The following BTG4 variants were observed in gnomAD, a reference collection of about 807,000 sequenced individuals.
BTG4 encodes the protein protein BTG4.
In BTG4, 10 loss-of-function variants were observed where a neutral mutation model predicts 19.3. The observed-to-expected ratio is 0.52, with a 90% confidence interval of 0.32 to 0.88. The LOEUF (loss-of-function observed/expected upper bound fraction) is 0.88, where lower values mean the gene tolerates loss of function less well. BTG4 is among the 40% of genes least tolerant of loss of function. BTG4 has a pLI of 0.04. For synonymous variants in BTG4, 91 were observed against 95.7 expected (o/e 0.95, Z 0.29); for missense variants, 238 against 281.9 (o/e 0.84, Z 1.11).
At chr11:111,425,684 T>C in the BTG4 span, among the ~76,000 whole-genome samples, 2 of 152,112 alleles carry the variant, frequency 1.3e-5, 1 homozygote, top group African/African-American at 4.8e-5. Context: ...CAAGAGATAC[T>C]AACCAAGCAG....
chr11:111,400,347 G>A, the BTG4 span, among the ~76,000 whole-genome samples: 1 of 152,182 alleles, frequency 6.6e-6, no homozygotes, highest in East Asian at 1.9e-4. Flanking sequence ...TATTGCATCT[G>A]TAGTACTGGA....
At chr11:111,440,603 T>G in the BTG4 span, among the ~76,000 whole-genome samples, 1 of 152,262 alleles carries the variant, frequency 6.6e-6, no homozygotes, top group Non-Finnish European at 1.5e-5. Flanking sequence ...CTACCTTGGC[T>G]GTTGGCAGGA....
chr11:111,448,181 G>T, the BTG4 span, among the ~76,000 whole-genome samples: 11,036 of 152,308 alleles, frequency 0.072, 551 homozygotes, highest in Middle Eastern at 0.14. Flanking sequence ...GCGGGAATGA[G>T]ACGCCTCGTG....
chr11:111,436,602 G>C, the BTG4 span, among the ~76,000 whole-genome samples: 1 of 150,920 alleles, frequency 6.6e-6, no homozygotes, highest in Non-Finnish European at 1.5e-5. Flanking sequence ...ACTCCAGCCT[G>C]GGCAACGAGA....
downstream of BTG4, among the ~76,000 whole-genome samples, chr11:111,465,363 TAAGA>T (rs2135506558): frequency 6.6e-6 from 1 of 152,234 alleles, no homozygotes; most frequent in South Asian, 2.1e-4. Context: ...GCCCACAAGC[TAAGA>T]AAGATTTTAC....
At chr11:111,392,169 C>CT in the BTG4 span, among the ~76,000 whole-genome samples, 1,089 of 85,414 alleles carry the variant, frequency 0.013, 277 homozygotes, top group African/African-American at 0.025. Context: ...CTGTGATTTT[C>CT]TTTTTTTTTT....
chr11:111,410,674 A>C, the BTG4 span, among the ~76,000 whole-genome samples: 12 of 152,328 alleles, frequency 7.9e-5, no homozygotes, highest in Admixed American at 2.6e-4. Context: ...ATGAAGTAGA[A>C]GATCCTTAAA....
the BTG4 span, chr11:111,416,344 C>G: frequency 3.9e-5 from 6 of 152,162 alleles, no homozygotes; most frequent in Admixed American, 3.9e-4. Flanking sequence ...CGTTTTCTCA[C>G]TCTGGCTCAC....
intron 5 of BTG4, chr11:111,475,298 TC>T (rs1433866995): frequency 2.6e-5 from 4 of 152,184 alleles, no homozygotes; most frequent in Non-Finnish European, 4.4e-5. Context: ...GGACCCCTGC[TC>T]ACTGTGACTA....
At chr11:111,441,995 GT>G in the BTG4 span, among the ~76,000 whole-genome samples, 1 of 151,950 alleles carries the variant, frequency 6.6e-6, no homozygotes, top group Admixed American at 6.6e-5. Flanking sequence ...GGAGGAGGAG[GT>G]TGCAGTGAGC....
At chr11:111,491,630 G>T, downstream of BTG4, among the ~76,000 whole-genome samples, 1 of 151,572 alleles carries the variant, frequency 6.6e-6, no homozygotes, top group East Asian at 1.9e-4. Flanking sequence ...CAGCTACTCA[G>T]GAGGCTGAGG....
intron 3 of BTG4, 125 bp from the exon 4 acceptor site, chr11:111,497,534 T>A: frequency 5.4e-6 from 3 of 553,670 alleles, no homozygotes; most frequent in Non-Finnish European, 8.6e-6. Flanking sequence ...TGAAGGACAT[T>A]ATGACCTTCA....
At chr11:111,423,692 A>G in the BTG4 span, among the ~76,000 whole-genome samples, 1 of 152,248 alleles carries the variant, frequency 6.6e-6, no homozygotes, top group African/African-American at 2.4e-5. Context: ...TATGACATTC[A>G]TTTAATACAC....
chr11:111,442,546 C>A, the BTG4 span, among the ~76,000 whole-genome samples: 26,476 of 141,484 alleles, frequency 0.19, 2,510 homozygotes, highest in South Asian at 0.24. Context: ...ACACACACAC[C>A]AGATGAGCCT....
the BTG4 span, among the ~76,000 whole-genome samples, chr11:111,439,878 G>A: frequency 6.6e-6 from 1 of 152,200 alleles, no homozygotes; most frequent in South Asian, 2.1e-4. Context: ...TATTGATGCG[G>A]GAATTGGAAG....
downstream of BTG4, among the ~76,000 whole-genome samples, chr11:111,465,937 C>A (rs1452021870): frequency 6.6e-6 from 1 of 152,162 alleles, no homozygotes; most frequent in African/African-American, 2.4e-5. Flanking sequence ...CTTGACCAAT[C>A]TCATTATTAA....
At chr11:111,486,970 T>TC (rs71057071) in intron 5 of BTG4, among the ~76,000 whole-genome samples, 4 of 151,842 alleles carry the variant, frequency 2.6e-5, no homozygotes, top group Admixed American at 6.6e-5. Flanking sequence ...ATGCTCTCCC[T>TC]CCCCCCGCCT....
At chr11:111,464,321 T>G (rs867849833), downstream of BTG4, among the ~76,000 whole-genome samples, 10 of 152,226 alleles carry the variant, frequency 6.6e-5, no homozygotes, top group Middle Eastern at 0.017. Context: ...TGACTCAATC[T>G]CAGAAATGAC....
the BTG4 span, chr11:111,457,874 G>A: frequency 6.6e-6 from 1 of 152,376 alleles, no homozygotes; most frequent in Admixed American, 6.5e-5. Flanking sequence ...AGGGCTGCGA[G>A]ATGCTTCGGG....
Sources: allele counts gnomAD v4.1 joint callset (sites outside exome capture counted in the v4.1 genomes callset), GRCh38; gene constraint gnomAD v4.1.1; transcripts MANE v1.5; gene names NCBI Gene and HGNC (gene_info 2026-07-23, HGNC 2026-07-21).